KBTBD12: variants seen among roughly 807,000 people sequenced by gnomAD.
KBTBD12 encodes kelch repeat and BTB domain containing 12, also known as kelch repeat and BTB domain-containing protein 12.
A neutral mutation model predicts 58.7 loss-of-function variants in KBTBD12; 53 were observed. The observed-to-expected ratio is 0.90, with a 90% CI of 0.72 to 1.14. The LOEUF (loss-of-function observed/expected upper bound fraction) is 1.14, where lower values mean the gene tolerates loss of function less well. Among genes scored for constraint, KBTBD12 ranks in the 50% most tolerant of loss-of-function variants. The pLI, the probability that KBTBD12 is intolerant of heterozygous loss-of-function variation, is 0.00. For synonymous variants in KBTBD12, 236 were observed against 259.8 expected (o/e 0.91, Z 0.88); for missense variants, 704 against 751.3 (o/e 0.94, Z 0.74).
intron 4 of KBTBD12, among the ~76,000 whole-genome samples, chr3:127,934,601 A>G (rs1939785630): frequency 6.6e-6 from 1 of 152,184 alleles, no homozygotes; most frequent in Admixed American, 6.5e-5. Context: ...AAATTCCCAG[A>G]GATCCTCACC....
At chr3:127,971,529 T>C (rs1940682395) in intron 5 of KBTBD12, among the ~76,000 whole-genome samples, 1 of 152,216 alleles carries the variant, frequency 6.6e-6, no homozygotes, top group African/African-American at 2.4e-5. Context: ...CTGGTTTCTG[T>C]CTGTTTCCCC....
chr3:127,983,827 C>T (rs993870580), intron 5 of KBTBD12, among the ~76,000 whole-genome samples: 34 of 152,204 alleles, frequency 2.2e-4, no homozygotes, highest in Middle Eastern at 3.4e-3. Context: ...TTGCAAATGC[C>T]CACTCCCCTT....
chr3:127,939,586 C>T (rs901188729), intron 4 of KBTBD12, among the ~76,000 whole-genome samples: 5 of 151,648 alleles, frequency 3.3e-5, no homozygotes, highest in Non-Finnish European at 5.9e-5. Context: ...ATTTTGTAAT[C>T]CCAAAAGAAA....
chr3:127,955,290 T>C (rs533474221), intron 4 of KBTBD12, among the ~76,000 whole-genome samples: 2 of 152,224 alleles, frequency 1.3e-5, no homozygotes, highest in Non-Finnish European at 2.9e-5. Flanking sequence ...AGGAAACCAT[T>C]TTGTGCCTCA....
chr3:127,962,767 A>G (rs1447790286), intron 4 of KBTBD12, among the ~76,000 whole-genome samples: 1 of 152,224 alleles, frequency 6.6e-6, no homozygotes, highest in African/African-American at 2.4e-5. Flanking sequence ...TGCAATGATA[A>G]GGGATGGGAA....
intron 4 of KBTBD12, among the ~76,000 whole-genome samples, chr3:127,962,227 T>C (rs1335683076): frequency 6.6e-6 from 1 of 152,344 alleles, no homozygotes; most frequent in East Asian, 1.9e-4. Flanking sequence ...TCAGGAGCCA[T>C]CCTTCAGATC....
At chr3:127,958,456 A>G (rs1045197312) in intron 4 of KBTBD12, among the ~76,000 whole-genome samples, 25 of 152,112 alleles carry the variant, frequency 1.6e-4, no homozygotes, top group African/African-American at 5.8e-4. Context: ...GACAAGGAAA[A>G]GATGGGCCCA....
chr3:127,974,369 T>A (rs1940740154), intron 5 of KBTBD12, among the ~76,000 whole-genome samples: 1 of 152,206 alleles, frequency 6.6e-6, no homozygotes, highest in African/African-American at 2.4e-5. Context: ...GGGGCCTCCA[T>A]GATACGGAAA....
chr3:127,953,476 A>G (rs1940254278), intron 4 of KBTBD12, among the ~76,000 whole-genome samples: 1 of 152,238 alleles, frequency 6.6e-6, no homozygotes, highest in Non-Finnish European at 1.5e-5. Flanking sequence ...TCCAGAATGT[A>G]CTCTTCTAAT....
intron 5 of KBTBD12, 180 bp downstream of exon 5, chr3:127,963,566 C>T (rs1421485713): frequency 5.2e-6 from 3 of 579,090 alleles, no homozygotes; most frequent in Non-Finnish European, 8.9e-6. Context: ...CAAAGTGAAG[C>T]TGGCACATCC....
At chr3:127,953,771 A>G (rs1444519306) in intron 4 of KBTBD12, among the ~76,000 whole-genome samples, 1 of 152,268 alleles carries the variant, frequency 6.6e-6, no homozygotes, top group African/African-American at 2.4e-5. Flanking sequence ...CCTTCTTAAC[A>G]TAAAAATAAA....
chr3:127,954,446 CA>C (rs1380857618), intron 4 of KBTBD12, among the ~76,000 whole-genome samples: 1 of 152,088 alleles, frequency 6.6e-6, no homozygotes, highest in Non-Finnish European at 1.5e-5. Flanking sequence ...AATATGGTAC[CA>C]GGGGCTGTCT....
intron 5 of KBTBD12, among the ~76,000 whole-genome samples, chr3:127,969,210 A>G (rs1266036135): frequency 6.6e-6 from 1 of 152,248 alleles, no homozygotes; most frequent in Non-Finnish European, 1.5e-5. Flanking sequence ...TACTAGAGCT[A>G]ATAGACAGGT....
intron 4 of KBTBD12, among the ~76,000 whole-genome samples, chr3:127,944,555 A>G (rs1338438224): frequency 6.6e-6 from 1 of 152,182 alleles, no homozygotes; most frequent in African/African-American, 2.4e-5. Flanking sequence ...TGAATTTATT[A>G]GTTCTAACAA....
rs1224366795 is a variant in KBTBD12 at position 127,984,220 on chromosome 3, A to G, written c.1814A>G (p.Asn605Ser). ...SYDVCLVARM[N>S]PRDLIPPPSD... ...GATGTCTGCCTAGTAGCCAGGATGA[A>G]TCCCCGAGACCTCATCCCCCCGCCT... Residue 605 changes from asparagine to serine, a missense_variant, in exon 6 of 6, where the codon AAT (asparagine) becomes AGT (serine). Physicochemically the swap from Asn to Ser is conservative, Grantham distance 46. Transcript: ENST00000405109. 6.2e-7 allele frequency: 1 copy of G among 1,613,962 alleles called. No individual in the cohort carries two copies. Among genetic ancestry groups the G allele is most frequent in the Admixed American group, 1.7e-5 (1 of 60,024 alleles).
chr3:127,987,591 G>A lies in KBTBD12; in HGVS notation c.*3313G>A, dbSNP rs1201422607. The A allele has an allele frequency of 6.6e-6, 1 of 152,250 alleles. No individual in the cohort carries two copies. Among genetic ancestry groups the A allele is most frequent in the African/African-American group, 2.4e-5 (1 of 41,464 alleles). 9.4% of individuals were successfully genotyped at this position (152,250 alleles called of 1,614,324 possible). ...CCTGCCCCAGTGTGTTCAACACGGT[G>A]GCATTGTTCTCCCTGACTTCATAAT... is the stretch of plus-strand genomic sequence containing the variant. On this transcript the variant is annotated 3_prime_UTR_variant, in exon 6 of 6. Transcript: ENST00000405109.
intron 5 of KBTBD12, among the ~76,000 whole-genome samples, chr3:127,966,158 T>C (rs1940562962): frequency 6.6e-6 from 1 of 152,172 alleles, no homozygotes; most frequent in Non-Finnish European, 1.5e-5. Flanking sequence ...ATATTGAATA[T>C]TGAGGTCCTC....
intron 1 of KBTBD12, among the ~76,000 whole-genome samples, chr3:127,922,531 G>A (rs560286208): frequency 3.3e-5 from 5 of 152,196 alleles, no homozygotes; most frequent in South Asian, 4.1e-4. Flanking sequence ...ATAACAGTTC[G>A]GTGTATTTTT....
At chr3:127,949,675 T>A (rs1449660215) in intron 4 of KBTBD12, among the ~76,000 whole-genome samples, 1 of 152,200 alleles carries the variant, frequency 6.6e-6, no homozygotes, top group African/African-American at 2.4e-5. Flanking sequence ...ATTAACTGGC[T>A]CTGTAAGACC....
Sources: gnomAD v4.1 joint callset for allele counts (sites outside exome capture counted in the v4.1 genomes callset) on GRCh38, gnomAD v4.1.1 for gene constraint, MANE v1.5 for transcripts, NCBI Gene and HGNC (gene_info 2026-07-23, HGNC 2026-07-21) for gene names.